ELP3: variants seen among roughly 807,000 people sequenced by gnomAD.
ELP3 encodes the protein elongator complex protein 3.
A neutral mutation model predicts 74.9 loss-of-function variants in ELP3; 56 were observed. The ratio of observed to expected loss-of-function variants is 0.75; its 90% CI spans 0.60 to 0.93. The LOEUF (loss-of-function observed/expected upper bound fraction) is 0.93. Among genes scored for constraint, ELP3 ranks in the 40% least tolerant of loss-of-function variants. The pLI is 0.00. For synonymous variants in ELP3, 222 were observed against 239.8 expected (o/e 0.93, Z 0.68); for missense variants, 573 against 686.5 (o/e 0.83, Z 1.85).
intron 14 of ELP3, among the ~76,000 whole-genome samples, chr8:28,180,892 T>C (rs1814983409): frequency 6.6e-6 from 1 of 152,164 alleles, no homozygotes; most frequent in African/African-American, 2.4e-5. Context: ...TTGCATCTCC[T>C]TGAGCCTCCT....
At chr8:28,135,968 T>G (rs1396252702) in intron 9 of ELP3, among the ~76,000 whole-genome samples, 1 of 151,124 alleles carries the variant, frequency 6.6e-6, no homozygotes, top group African/African-American at 2.4e-5. Context: ...TCCTTTTTTT[T>G]TTTTTTTTCT....
intron 14 of ELP3, among the ~76,000 whole-genome samples, chr8:28,184,488 C>T (rs79067851): frequency 3.9e-5 from 6 of 152,140 alleles, no homozygotes; most frequent in Non-Finnish European, 7.4e-5. Context: ...CCTGTAGCTC[C>T]GTGGGAATCA....
intron 14 of ELP3, among the ~76,000 whole-genome samples, chr8:28,185,323 C>T (rs1815193461): frequency 6.6e-6 from 1 of 152,196 alleles, no homozygotes; most frequent in Non-Finnish European, 1.5e-5. Flanking sequence ...CATTACCCAA[C>T]ACCCAACATA....
At chr8:28,096,872 C>T (rs989656435) in intron 1 of ELP3, among the ~76,000 whole-genome samples, 12 of 152,180 alleles carry the variant, frequency 7.9e-5, no homozygotes, top group Non-Finnish European at 1.6e-4. Context: ...AATTACACCT[C>T]TGGAGATAAA....
rs752418673 is a variant in ELP3 at position 28,132,411 on chromosome 8, G to A, written c.906+7G>A. The A allele has an allele frequency of 3.7e-6, 6 of 1,614,010 alleles. No homozygotes were observed. Among genetic ancestry groups the A allele is most frequent in the Non-Finnish European group, 5.1e-6 (6 of 1,179,916 alleles). On this transcript the variant is annotated splice_region_variant and intron_variant, in intron 9 of 14. Coordinates refer to ENST00000256398, the MANE Select transcript of ELP3 (RefSeq NM_018091.6). ...AGACATTGAACAGTTCACAGTAAGT[G>A]TGACTTCAGCCAGGCGCATTCAGAA...
intron 14 of ELP3, among the ~76,000 whole-genome samples, chr8:28,165,068 G>A (rs146455489): frequency 9.9e-5 from 15 of 152,144 alleles, no homozygotes; most frequent in Middle Eastern, 3.4e-3. Flanking sequence ...GGGGAGGACG[G>A]GTGGCCAGGA....
chr8:28,139,438 A>C (rs1317687624), intron 10 of ELP3, among the ~76,000 whole-genome samples: 1 of 152,164 alleles, frequency 6.6e-6, no homozygotes, highest in African/African-American at 2.4e-5. Flanking sequence ...AATAAGTGTA[A>C]ATGTAATGAA....
chr8:28,121,644 TG>T (rs1812378804), intron 7 of ELP3, among the ~76,000 whole-genome samples: 1 of 152,178 alleles, frequency 6.6e-6, no homozygotes, highest in Non-Finnish European at 1.5e-5. Flanking sequence ...TTCAAATTTT[TG>T]CTGCTAATAT....
intron 10 of ELP3, among the ~76,000 whole-genome samples, chr8:28,140,114 TTGTGTGTGTGTGTGTGTGTGTGTGTG>T (rs56981709): frequency 7.0e-6 from 1 of 143,692 alleles, no homozygotes. Context: ...TGTACATATT[TTGTGTGTGTGTGTGTGTGTGTGTGTG>T]TGTGTGTGTG....
intron 5 of ELP3, among the ~76,000 whole-genome samples, chr8:28,108,181 A>G (rs1396336362): frequency 6.6e-6 from 1 of 152,258 alleles, no homozygotes; most frequent in Non-Finnish European, 1.5e-5. Flanking sequence ...TTACATAAGC[A>G]TAAATAATAC....
In ELP3 at chr8:28,179,739, G is replaced by A. The variant is rs116321308; in HGVS notation, c.1568-9910G>A. On this transcript the variant is annotated intron_variant, in intron 14 of 14. Coordinates refer to ENST00000256398, the MANE Select transcript of ELP3 (RefSeq NM_018091.6). ...CACACAACCTAGGTCCCTTGCATGC[G>A]TAGTTCACAATAGGATTTGTGCTCC... Among the ~76,000 whole-genome samples, 627 of 152,274 alleles carry A rather than the reference G, an allele frequency of 4.1e-3. 4 individuals are homozygous for A. The highest frequency in any genetic ancestry group is 0.013 in the African/African-American group (552 of 41,552).
intron 9 of ELP3, among the ~76,000 whole-genome samples, chr8:28,136,589 T>C (rs1272236274): frequency 6.6e-6 from 1 of 152,140 alleles, no homozygotes; most frequent in African/African-American, 2.4e-5. Flanking sequence ...TGAAACTAAA[T>C]AGTACATAAA....
At chr8:28,182,285 GCACAGTGGCTA>G (rs1239676048) in intron 14 of ELP3, among the ~76,000 whole-genome samples, 1 of 152,138 alleles carries the variant, frequency 6.6e-6, no homozygotes, top group Non-Finnish European at 1.5e-5. Context: ...TTGCGGCCGG[GCACAGTGGCTA>G]CACCTGTAAT....
intron 9 of ELP3, among the ~76,000 whole-genome samples, chr8:28,135,952 TCC>T (rs1812970674): frequency 6.6e-6 from 1 of 151,742 alleles, no homozygotes; most frequent in African/African-American, 2.4e-5. Context: ...AAAAATTCTT[TCC>T]TGTTCCTTTT....
rs757132276 is a variant in ELP3 at position 28,110,391 on chromosome 8, C to G, written c.415C>G (p.Arg139Gly). The G allele has an allele frequency of 1.2e-6, 2 of 1,613,458 alleles. No homozygotes were observed. Among genetic ancestry groups the G allele is most frequent in the Non-Finnish European group, 1.7e-6 (2 of 1,179,822 alleles). Residue 139 changes from arginine to glycine, a missense_variant, in exon 6 of 15, where the codon CGT (arginine) becomes GGT (glycine). By Grantham distance (125) the Arg-to-Gly change is moderately radical. Transcript: ENST00000256398. ...CTAGCCAACCTCCATGAGAGCTATC[C>G]GTGCCAGATATGACCCTTTCCTACA... Reference protein sequence around the residue: ...GYEPTSMRAIRARYDPFLQTR... With the variant: ...GYEPTSMRAIGARYDPFLQTR...
intron 1 of ELP3, among the ~76,000 whole-genome samples, chr8:28,095,861 G>A (rs1251086369): frequency 6.6e-6 from 1 of 152,184 alleles, no homozygotes; most frequent in Admixed American, 6.5e-5. Flanking sequence ...CTTTCATTAT[G>A]TTTTAGCTTT....
At chr8:28,094,534 C>T (rs1302969432) in intron 1 of ELP3, among the ~76,000 whole-genome samples, 1 of 152,142 alleles carries the variant, frequency 6.6e-6, no homozygotes, top group Non-Finnish European at 1.5e-5. Context: ...GCCTGACCAA[C>T]GTGGTGAAAC....
intron 10 of ELP3, 61 bp downstream of exon 10, chr8:28,137,952 G>T: frequency 1.5e-6 from 2 of 1,360,624 alleles, no homozygotes; most frequent in South Asian, 1.6e-5. Context: ...TATTTCTCAT[G>T]GAAATAGTCT....
At chr8:28,090,323 C>G (rs1335671612), upstream of ELP3, 1 of 401,730 alleles carries the variant, frequency 2.5e-6, no homozygotes, top group Non-Finnish European at 4.9e-6. Context: ...GGTGAATCCT[C>G]CATAGTCTGG....
Sources: allele counts gnomAD v4.1 joint callset (sites outside exome capture counted in the v4.1 genomes callset), GRCh38; gene constraint gnomAD v4.1.1; transcripts MANE v1.5; gene names NCBI Gene and HGNC (gene_info 2026-07-23, HGNC 2026-07-21).